Variants in ZNF7 observed in about 807,000 individuals in gnomAD.
The protein encoded by ZNF7 is zinc finger protein 7.
A neutral mutation model predicts 12.0 loss-of-function variants in ZNF7; 10 were observed. The observed-to-expected ratio is 0.83, with a 90% CI of 0.51 to 1.42. The LOEUF is 1.42. Among genes scored for constraint, ZNF7 ranks in the 40% most tolerant of loss-of-function variants. The probability of loss-of-function intolerance (pLI) is 0.00; values close to 1 mark genes in which losing one functional copy is unlikely to be tolerated. For synonymous variants in ZNF7, 334 were observed against 295.0 expected (o/e 1.13, Z -1.35); for missense variants, 854 against 837.2 (o/e 1.02, Z -0.25).
rs1398933689 is a variant in ZNF7 at position 144,837,469 on chromosome 8, G to A, written c.209G>A (p.Gly70Glu). 1 of 1,612,816 alleles carries A rather than the reference G, an allele frequency of 6.2e-7. No homozygotes were observed. Among genetic ancestry groups the A allele is most frequent in the South Asian group, 1.1e-5 (1 of 91,034 alleles). The change falls in exon 4 of 5, where the codon GGA becomes GAA. Residue 70 changes from glycine (G) to glutamate (E), a missense_variant. By Grantham distance (98) the Gly-to-Glu change is moderately conservative. Transcript: ENST00000532777. ...GAGCCATGGGTCCTCGACCTGCAGG[G>A]AGCAGAGGGGACAGAGGCACCAAGG... ...GEEPWVLDLQ[G>E]AEGTEAPRTS...
downstream of ZNF7, chr8:144,845,876 C>T (rs1735173): frequency 3.4e-6 from 4 of 1,163,656 alleles, no homozygotes; most frequent in East Asian, 2.6e-5. Context: ...CCCTGCCTTG[C>T]GTCACGTGGC....
intron 4 of ZNF7, chr8:144,838,986 A>G (rs992208926): frequency 6.8e-6 from 1 of 147,558 alleles, no homozygotes; most frequent in Non-Finnish European, 1.5e-5. Flanking sequence ...TCTTACTTCC[A>G]TTCATATGCG....
rs182599451 is a variant in ZNF7, at chr8:144,843,360, C to G, written c.*192C>G. The G allele has an allele frequency of 3.3e-6, 2 of 604,544 alleles. No individual in the cohort carries two copies. Among genetic ancestry groups the G allele is most frequent in the African/African-American group, 1.9e-5 (1 of 52,802 alleles). 37.4% of individuals were successfully genotyped at this position (604,544 alleles called of 1,614,324 possible). A position where few individuals can be genotyped will look rare whatever the true frequency, so the allele number is the denominator to read the frequency against. ...ATCCCAGCACTTTGGGAGGCCAAGG[C>G]GGGCACATCACGAGGTCAGGAGGTT... On this transcript the variant is annotated 3_prime_UTR_variant, in exon 5 of 5. Transcript: ENST00000532777.
intron 1 of ZNF7, chr8:144,828,789 G>A (rs1218130724): frequency 1.8e-6 from 1 of 541,008 alleles, no homozygotes; most frequent in Non-Finnish European, 3.3e-6. Context: ...TCAGTGCCTG[G>A]CACGTGGCAT....
In ZNF7 at chr8:144,842,175, C is replaced by T. The variant is rs1255457191; in HGVS notation, c.1068C>T (p.His356=). The T allele has an allele frequency of 6.2e-7, 1 of 1,614,120 alleles. No individual in the cohort carries two copies. Among genetic ancestry groups the T allele is most frequent in the Non-Finnish European group, 8.5e-7 (1 of 1,180,000 alleles). Residue 356 remains histidine (H), a synonymous_variant, in exon 5 of 5, where the codon CAC becomes CAT. Transcript: ENST00000532777. ...QSQLVRHQRT[H]TGERPYPCKE... is the part of the protein sequence containing the mutation. ...AGCTGGTTAGACACCAGAGAACTCA[C>T]ACTGGGGAGAGGCCCTACCCTTGCA...
intron 4 of ZNF7, chr8:144,838,744 C>T (rs1285467354): frequency 6.6e-6 from 1 of 152,324 alleles, no homozygotes; most frequent in Non-Finnish European, 1.5e-5. Flanking sequence ...AGATCGAGAC[C>T]ATCCTGGCCA....
In ZNF7 at chr8:144,843,355, C is replaced by T. The variant is rs529364600; in HGVS notation, c.*187C>T. On this transcript the variant is annotated 3_prime_UTR_variant, in exon 5 of 5. Transcript: ENST00000532777. ...CTGTCATCCCAGCACTTTGGGAGGC[C>T]AAGGCGGGCACATCACGAGGTCAGG... The T allele has an allele frequency of 2.9e-4, 185 of 630,774 alleles. 2 individuals are homozygous for T. In the South Asian group the frequency reaches 4.4e-3, roughly 15 times the overall value. The allele number at this position is 630,774 out of a possible 1,614,324, so 39.1% of individuals were successfully genotyped here.
intron 3 of ZNF7, chr8:144,830,958 G>C: frequency 2.2e-6 from 1 of 456,810 alleles, no homozygotes; most frequent in South Asian, 1.5e-5. Flanking sequence ...CTCTGGTTTG[G>C]TTATCTGTGT....
chr8:144,840,503 C>T (rs1829744557), intron 4 of ZNF7, among the ~76,000 whole-genome samples: 1 of 152,178 alleles, frequency 6.6e-6, no homozygotes, highest in Non-Finnish European at 1.5e-5. Flanking sequence ...CCGTGGTTGT[C>T]ATGATCATAG....
At chr8:144,831,140 T>G (rs181933978) in intron 3 of ZNF7, 51 of 391,390 alleles carry the variant, frequency 1.3e-4, no homozygotes, top group Non-Finnish European at 2.3e-4. Flanking sequence ...AGGCCCTGTG[T>G]GTACACAGTT....
chr8:144,846,196 C>A, downstream of ZNF7: 1 of 1,535,232 alleles, frequency 6.5e-7, no homozygotes, highest in South Asian at 1.2e-5. Flanking sequence ...AGATTCTGTG[C>A]TAACCATAAT....
At chr8:144,833,204 A>G (rs1168471051) in intron 3 of ZNF7, among the ~76,000 whole-genome samples, 1 of 151,510 alleles carries the variant, frequency 6.6e-6, no homozygotes, top group South Asian at 2.1e-4. Flanking sequence ...CTCAAAAAAA[A>G]AAAAAAAAAA....
chr8:144,831,154 G>C, intron 3 of ZNF7: 1 of 364,408 alleles, frequency 2.7e-6, no homozygotes, highest in South Asian at 2.0e-5. Flanking sequence ...CACAGTTGCT[G>C]ATGTACCAGT....
Position 144,841,345 on chromosome 8 carries a change from T to G in ZNF7, c.248-10T>G. The G allele has an allele frequency of 2.5e-6, 4 of 1,594,050 alleles. No individual in the cohort carries two copies. The South Asian group carries it at 4.5e-5, about 18-fold the overall frequency. The stretch of plus-strand genomic sequence containing the variant: ...GGCCTAAGGAACGTCTTTGTTCCTG[T>G]TTATTTCAGATTCTACGATTAGGAC... On this transcript the variant is annotated splice_polypyrimidine_tract_variant and intron_variant, in intron 4 of 4. Coordinates refer to ENST00000532777, the MANE Select transcript of ZNF7 (RefSeq NM_003416.4).
rs1191415013 is a variant in ZNF7 at position 144,842,189 on chromosome 8, C to T, written c.1082C>T (p.Pro361Leu). The change falls in exon 5 of 5, where the codon CCC becomes CTC. Residue 361 changes from proline (P) to leucine (L), a missense_variant. Pro to Leu is a moderately conservative substitution (Grantham distance 98). Coordinates refer to ENST00000532777, the MANE Select transcript of ZNF7 (RefSeq NM_003416.4). ...RHQRTHTGER[P>L]YPCKECGKAF... ...CAGAGAACTCACACTGGGGAGAGGCCCTACCCTTGCAAGGAGTGTGGGAAG... is the reference window on the plus strand; with the variant it reads ...CAGAGAACTCACACTGGGGAGAGGCTCTACCCTTGCAAGGAGTGTGGGAAG... The T allele has an allele frequency of 2.5e-6, 4 of 1,613,992 alleles. No homozygotes were observed. Among genetic ancestry groups the T allele is most frequent in the African/African-American group, 2.7e-5 (2 of 74,924 alleles).
chr8:144,829,894 AAG>A (rs1828229678), intron 3 of ZNF7: 3 of 255,650 alleles, frequency 1.2e-5, no homozygotes, highest in Non-Finnish European at 2.2e-5. Context: ...TAGACAAGAA[AAG>A]AGAAATTATT....
Position 144,842,087 on chromosome 8 carries a change from T to C in ZNF7, c.980T>C (p.Ile327Thr), listed in dbSNP as rs769550912. The change falls in exon 5 of 5, where the codon ATC becomes ACC. Residue 327 changes from isoleucine (I) to threonine (T), a missense_variant. Physicochemically the swap from Ile to Thr is moderately conservative, Grantham distance 89 (BLOSUM62 -1). Transcript: ENST00000532777. ...TCAAGCCTCATCCACCATCAGAGAA[T>C]CCACACAGGAGAGAGGCCCTATGGT... ...QSSSLIHHQR[I>T]HTGERPYGCR... 6.2e-7 allele frequency: 1 copy of C among 1,614,010 alleles called. No individual in the cohort carries two copies. Among genetic ancestry groups the C allele is most frequent in the South Asian group, 1.1e-5 (1 of 91,072 alleles).
intron 4 of ZNF7, 157 bp from the exon 5 acceptor site, chr8:144,841,198 T>C (rs1026126231): frequency 1.4e-6 from 1 of 738,728 alleles, no homozygotes; most frequent in Non-Finnish European, 2.2e-6. Context: ...TTGAGAACTG[T>C]CAAAGGCTCT....
intron 3 of ZNF7, chr8:144,830,888 C>T (rs959333729): frequency 8.5e-5 from 39 of 458,054 alleles, no homozygotes; most frequent in Admixed American, 6.8e-4. Context: ...TGTGAGCCAC[C>T]GTGCCCAGCC....
Sources: gnomAD v4.1 joint callset for allele counts (sites outside exome capture counted in the v4.1 genomes callset) on GRCh38, gnomAD v4.1.1 for gene constraint, MANE v1.5 for transcripts, NCBI Gene and HGNC (gene_info 2026-07-23, HGNC 2026-07-21) for gene names.